CCDC178: variants seen among roughly 807,000 people sequenced by gnomAD.
The protein encoded by CCDC178 is coiled-coil domain containing 178.
In CCDC178, 126 loss-of-function variants were observed where a neutral mutation model predicts 117.4. The ratio of observed to expected loss-of-function variants is 1.07; its 90% CI spans 0.93 to 1.24. CCDC178 has a LOEUF of 1.24. Among genes scored for constraint, CCDC178 ranks in the 50% most tolerant of loss-of-function variants. The probability of loss-of-function intolerance (pLI) is 0.00; values close to 1 mark genes in which losing one functional copy is unlikely to be tolerated. For missense variants in CCDC178, 1,030 were observed against 986.9 expected (o/e 1.04, Z -0.59); for synonymous variants, 283 against 313.4 (o/e 0.90, Z 1.02).
chr18:33,298,072 C>T (rs527915908), intron 11 of CCDC178, among the ~76,000 whole-genome samples: 19 of 151,454 alleles, frequency 1.3e-4, no homozygotes, highest in African/African-American at 4.1e-4. Flanking sequence ...TTCAATTCTT[C>T]TAAAACTATT....
At chr18:33,284,272 G>A (rs1056246771) in intron 12 of CCDC178, among the ~76,000 whole-genome samples, 3 of 152,022 alleles carry the variant, frequency 2.0e-5, no homozygotes, top group African/African-American at 7.3e-5. Context: ...AGAGTGGGAG[G>A]AGGGAGAGGA....
At chr18:33,322,940 AAAG>A (rs550521836) in intron 11 of CCDC178, among the ~76,000 whole-genome samples, 205 of 151,594 alleles carry the variant, frequency 1.4e-3, no homozygotes, top group Non-Finnish European at 2.5e-3. Flanking sequence ...ACAGAATCAT[AAAG>A]AAGTTATAGT....
intron 20 of CCDC178, among the ~76,000 whole-genome samples, chr18:33,199,634 A>G (rs1173469892): frequency 6.6e-6 from 1 of 151,876 alleles, no homozygotes; most frequent in Non-Finnish European, 1.5e-5. Flanking sequence ...TTTAATTACA[A>G]CCTCTGAGTC....
rs181181743 is a variant in CCDC178 at position 33,312,672 on chromosome 18, A to G, written c.1022+10819T>C. Reference sequence around the variant, plus strand: ...CAGCTGTGAAACTCTTTTTAAAAGAAACAGAAAGTTAACCTTTGTGCACCC... The same window carrying G: ...CAGCTGTGAAACTCTTTTTAAAAGAGACAGAAAGTTAACCTTTGTGCACCC... On this transcript the variant is annotated intron_variant, in intron 11 of 22. Coordinates refer to ENST00000383096, the MANE Select transcript of CCDC178 (RefSeq NM_001105528.4). Among the ~76,000 whole-genome samples the G allele has an allele frequency of 2.2e-3, 334 of 152,318 alleles. 3 individuals carry two copies. The highest frequency in any genetic ancestry group is 7.7e-3 in the African/African-American group (321 of 41,556).
At chr18:33,255,638 G>A (rs1004788199) in intron 14 of CCDC178, among the ~76,000 whole-genome samples, 3 of 151,968 alleles carry the variant, frequency 2.0e-5, no homozygotes, top group Non-Finnish European at 4.4e-5. Context: ...AGTTAGGGGA[G>A]AGAGTAGATA....
chr18:33,171,406 A>G (rs1443925514), intron 20 of CCDC178, among the ~76,000 whole-genome samples: 1 of 152,236 alleles, frequency 6.6e-6, no homozygotes, highest in African/African-American at 2.4e-5. Flanking sequence ...TAGTGAACAC[A>G]ACAATGAGCT....
chr18:33,015,870 G>A (rs1355354927), intron 21 of CCDC178, among the ~76,000 whole-genome samples: 1 of 152,158 alleles, frequency 6.6e-6, no homozygotes, highest in African/African-American at 2.4e-5. Context: ...AGCATTCCCT[G>A]GAGGGGCTCA....
intron 20 of CCDC178, among the ~76,000 whole-genome samples, chr18:33,167,422 A>C (rs1013839948): frequency 6.6e-6 from 1 of 152,156 alleles, no homozygotes; most frequent in African/African-American, 2.4e-5. Flanking sequence ...CCTCACCAGC[A>C]TGTTATTTTT....
intron 12 of CCDC178, among the ~76,000 whole-genome samples, chr18:33,272,413 ACTT>A (rs1176461353): frequency 6.6e-6 from 1 of 151,762 alleles, no homozygotes; most frequent in East Asian, 1.9e-4. Flanking sequence ...ATAATCAAAA[ACTT>A]CTCACAAAGA....
chr18:33,346,496 A>G, intron 8 of CCDC178, 85 bp from the exon 9 acceptor site: 2 of 562,144 alleles, frequency 3.6e-6, no homozygotes, highest in Non-Finnish European at 5.6e-6. Flanking sequence ...TTGTATTATT[A>G]TATTTTTCTA....
chr18:33,377,603 CTATTT>C (rs2063382914), intron 5 of CCDC178, among the ~76,000 whole-genome samples: 1 of 152,224 alleles, frequency 6.6e-6, no homozygotes, highest in South Asian at 2.1e-4. Context: ...AATCATTAGT[CTATTT>C]TAAGTTAATT....
rs74461816 is a variant in CCDC178, at chr18:33,349,039, T to G, written c.372-64A>C. 2,492 of 959,406 alleles carry G rather than the reference T, an allele frequency of 2.6e-3. 54 individuals are homozygous for G. In the East Asian group the frequency reaches 0.043, roughly 16 times the overall value. The allele number at this position is 959,406 out of a possible 1,614,324, so 59.4% of individuals were successfully genotyped here. A position where few individuals can be genotyped will look rare whatever the true frequency, so the allele number is the denominator to read the frequency against. Reference sequence around the variant, plus strand: ...TAAAGTTAGTAAAACAAATTTTAGGTTATGCTCTTCTATTGAATTTTAAAT... The same window carrying G: ...TAAAGTTAGTAAAACAAATTTTAGGGTATGCTCTTCTATTGAATTTTAAAT... On this transcript the variant is annotated intron_variant, in intron 7 of 22. Transcript: ENST00000383096.
chr18:33,109,740 C>T (rs538560081), intron 20 of CCDC178, among the ~76,000 whole-genome samples: 13 of 147,306 alleles, frequency 8.8e-5, no homozygotes, highest in South Asian at 8.4e-4. Context: ...TCTCTTGAGT[C>T]GGGTATCTTT....
At chr18:33,073,238 G>A (rs1280381089) in intron 21 of CCDC178, among the ~76,000 whole-genome samples, 1 of 151,626 alleles carries the variant, frequency 6.6e-6, no homozygotes, top group African/African-American at 2.4e-5. Flanking sequence ...TAGCTTCCCA[G>A]GTAGACTGAT....
chr18:33,170,252 T>C (rs2144419782), intron 20 of CCDC178, among the ~76,000 whole-genome samples: 1 of 152,270 alleles, frequency 6.6e-6, no homozygotes, highest in African/African-American at 2.4e-5. Flanking sequence ...GTTAAGTTCC[T>C]GTTTATAAAT....
intron 5 of CCDC178, among the ~76,000 whole-genome samples, chr18:33,387,544 A>G (rs567628671): frequency 1.6e-4 from 24 of 152,300 alleles, no homozygotes; most frequent in Non-Finnish European, 2.8e-4. Context: ...TAAAGAACTC[A>G]GAAAGAAAAC....
At chr18:33,263,180 G>A (rs2059771617) in intron 14 of CCDC178, among the ~76,000 whole-genome samples, 1 of 152,198 alleles carries the variant, frequency 6.6e-6, no homozygotes. Flanking sequence ...GTGTGTGAGA[G>A]GACAAGCTCA....
chr18:33,026,820 G>A (rs916601491), intron 21 of CCDC178, among the ~76,000 whole-genome samples: 1 of 151,772 alleles, frequency 6.6e-6, no homozygotes, highest in African/African-American at 2.4e-5. Context: ...AAAGCCCATA[G>A]TAACATCCTT....
intron 11 of CCDC178, among the ~76,000 whole-genome samples, chr18:33,294,249 C>CA (rs905241360): frequency 5.3e-5 from 8 of 151,672 alleles, no homozygotes; most frequent in Non-Finnish European, 7.4e-5. Context: ...TTTAATGGAG[C>CA]AAAAAAATCA....
Sources: gnomAD v4.1 joint callset for allele counts (sites outside exome capture counted in the v4.1 genomes callset) on GRCh38, gnomAD v4.1.1 for gene constraint, MANE v1.5 for transcripts, NCBI Gene and HGNC (gene_info 2026-07-23, HGNC 2026-07-21) for gene names.